The following RIN3 variants were observed in gnomAD, a reference collection of about 807,000 sequenced individuals.
RIN3 encodes the protein Ras and Rab interactor 3, also known as RAB5 interacting protein 3.
In RIN3, 54 loss-of-function variants were observed where a neutral mutation model predicts 76.3. The ratio of observed to expected loss-of-function variants is 0.71; its 90% CI spans 0.57 to 0.89. The LOEUF (loss-of-function observed/expected upper bound fraction) is 0.89, where lower values mean the gene tolerates loss of function less well. Among genes scored for constraint, RIN3 ranks in the 40% least tolerant of loss-of-function variants. The pLI, the probability that RIN3 is intolerant of heterozygous loss-of-function variation, is 0.00. For missense variants in RIN3, 1,256 were observed against 1,322.1 expected (o/e 0.95, Z 0.78); for synonymous variants, 576 against 564.0 (o/e 1.02, Z -0.30).
chr14:92,571,983 A>G (rs539668466), intron 2 of RIN3, among the ~76,000 whole-genome samples: 1 of 152,356 alleles, frequency 6.6e-6, no homozygotes, highest in East Asian at 1.9e-4. Flanking sequence ...GCAGAGTGAG[A>G]GACCGAGGCA....
intron 4 of RIN3, among the ~76,000 whole-genome samples, chr14:92,624,043 G>A (rs1398973204): frequency 1.3e-5 from 2 of 152,250 alleles, no homozygotes; most frequent in South Asian, 2.1e-4. Flanking sequence ...GAAAGGGGAC[G>A]ACTTGGGCCT....
intron 1 of RIN3, among the ~76,000 whole-genome samples, chr14:92,551,070 T>C (rs956735924): frequency 4.6e-5 from 7 of 152,224 alleles, no homozygotes; most frequent in African/African-American, 1.7e-4. Flanking sequence ...CTGAATGTTA[T>C]CATGACTAGA....
chr14:92,661,580 C>T (rs916118195), intron 7 of RIN3, among the ~76,000 whole-genome samples: 4 of 152,052 alleles, frequency 2.6e-5, no homozygotes, highest in Non-Finnish European at 2.9e-5. Flanking sequence ...AAAAATTAGC[C>T]GAGTGTGTTG....
intron 7 of RIN3, 86 bp from the exon 8 acceptor site, chr14:92,676,389 C>A: frequency 1.3e-6 from 2 of 1,501,210 alleles, no homozygotes; most frequent in Non-Finnish European, 1.8e-6. Context: ...CCACACTCAG[C>A]AAACCACTGT....
chr14:92,547,121 A>ATTATTATAAAGTAAATTATCTTTATT lies in RIN3; in HGVS notation c.45-8623_45-8622insAAAGTAAATTATCTTTATTTTATTAT, dbSNP rs1897292304. Among the ~76,000 whole-genome samples, 7 of 55,758 alleles carry ATTATTATAAAGTAAATTATCTTTATT rather than the reference A, an allele frequency of 1.3e-4. 1 individual carries two copies. Among genetic ancestry groups the ATTATTATAAAGTAAATTATCTTTATT allele is most frequent in the South Asian group, 1.1e-3 (2 of 1,754 alleles). The allele number at this position is 55,758 out of a possible 152,430, so 36.6% of individuals were successfully genotyped here. A position where few individuals can be genotyped will look rare whatever the true frequency, so the allele number is the denominator to read the frequency against. ...TAATTAAATAAATTATCTTTATTTTATTATTATTATAAAGTAAATTATCTT... is the reference window on the plus strand; with the variant it reads ...TAATTAAATAAATTATCTTTATTTTATTATTATAAAGTAAATTATCTTTATTTTATTATTATAAAGTAAATTATCTT... On this transcript the variant is annotated intron_variant, in intron 1 of 9. Coordinates refer to ENST00000216487, the MANE Select transcript of RIN3 (RefSeq NM_024832.5).
At chr14:92,525,333 ACAGTGG>A (rs1209417361) in intron 1 of RIN3, among the ~76,000 whole-genome samples, 2 of 152,184 alleles carry the variant, frequency 1.3e-5, no homozygotes, top group African/African-American at 4.8e-5. Flanking sequence ...ACCAGCAGGG[ACAGTGG>A]CTCTTCCTGG....
chr14:92,593,662 C>T lies in RIN3; in HGVS notation c.367+16185C>T, dbSNP rs181022708. On this transcript the variant is annotated intron_variant, in intron 3 of 9. Coordinates refer to ENST00000216487, the MANE Select transcript of RIN3 (RefSeq NM_024832.5). ...ATATGTAACAAACCTGCACGTTGTGCACATGTACCCTAGAACTTAAAGTAT... is the reference window on the plus strand; with the variant it reads ...ATATGTAACAAACCTGCACGTTGTGTACATGTACCCTAGAACTTAAAGTAT... Among the ~76,000 whole-genome samples, 1,436 of 152,158 alleles carry T rather than the reference C, an allele frequency of 9.4e-3. 11 individuals are homozygous for T. Among genetic ancestry groups the T allele is most frequent in the Admixed American group, 0.024 (362 of 15,280 alleles).
chr14:92,618,588 T>C (rs749312085), intron 4 of RIN3, among the ~76,000 whole-genome samples: 6 of 152,226 alleles, frequency 3.9e-5, no homozygotes, highest in Non-Finnish European at 5.9e-5. Flanking sequence ...TCTACTGTTA[T>C]AACATCAGCC....
chr14:92,618,236 A>G (rs140724442), intron 4 of RIN3, among the ~76,000 whole-genome samples: 157 of 152,306 alleles, frequency 1.0e-3, no homozygotes, highest in African/African-American at 3.3e-3. Flanking sequence ...TTCCACTTCT[A>G]TTGTTCACAG....
At chr14:92,544,414 T>TGGGGGGGGG (rs71123353) in intron 1 of RIN3, among the ~76,000 whole-genome samples, 76 of 74,538 alleles carry the variant, frequency 1.0e-3, no homozygotes, top group African/African-American at 1.2e-3. Context: ...GTGACAGCTG[T>TGGGGGGGGG]GGGGGGGGGG....
chr14:92,636,674 C>T (rs1886788860), intron 4 of RIN3, among the ~76,000 whole-genome samples: 1 of 152,172 alleles, frequency 6.6e-6, no homozygotes, highest in African/African-American at 2.4e-5. Context: ...GACTTGCTCA[C>T]TATATAGATC....
chr14:92,607,991 A>G (rs187500981), intron 3 of RIN3, among the ~76,000 whole-genome samples: 4 of 152,338 alleles, frequency 2.6e-5, no homozygotes, highest in East Asian at 1.9e-4. Flanking sequence ...ACTGGAACAG[A>G]TTAGTTGTCA....
chr14:92,598,385 G>C (rs1885227422), intron 3 of RIN3, among the ~76,000 whole-genome samples: 2 of 152,208 alleles, frequency 1.3e-5, no homozygotes, highest in African/African-American at 2.4e-5. Flanking sequence ...CCTAGTCAGT[G>C]CCAAAAAGAG....
intron 3 of RIN3, among the ~76,000 whole-genome samples, chr14:92,581,352 T>C (rs1446298905): frequency 3.9e-5 from 6 of 152,228 alleles, no homozygotes; most frequent in Admixed American, 3.9e-4. Context: ...GGCTGCCACC[T>C]GCCAGTTACC....
intron 2 of RIN3, among the ~76,000 whole-genome samples, chr14:92,575,645 G>T (rs143219057): frequency 6.6e-6 from 1 of 151,892 alleles, no homozygotes; most frequent in Admixed American, 6.6e-5. Context: ...CTGTCATGGC[G>T]CTGGTGGGAG....
chr14:92,539,191 G>A (rs910066500), intron 1 of RIN3, among the ~76,000 whole-genome samples: 1 of 151,732 alleles, frequency 6.6e-6, no homozygotes, highest in Non-Finnish European at 1.5e-5. Flanking sequence ...GGGTGGGGGG[G>A]ATGTCAGCTG....
rs1428542755 is a variant in RIN3, at chr14:92,663,498, C to G, written c.2335+4029C>G. Among the ~76,000 whole-genome samples, 4 of 152,362 alleles carry G rather than the reference C, an allele frequency of 2.6e-5. No homozygotes were observed. In the East Asian group the frequency reaches 5.8e-4, roughly 22 times the overall value. On this transcript the variant is annotated intron_variant, in intron 7 of 9. Transcript: ENST00000216487. ...GAAGCCAGACCCAGTCGGGGAGACT[C>G]TGAGACGTGAAGGTCAGGCCAGGGT...
intron 2 of RIN3, among the ~76,000 whole-genome samples, chr14:92,567,406 C>G (rs1305069309): frequency 6.6e-6 from 1 of 152,150 alleles, no homozygotes; most frequent in East Asian, 1.9e-4. Flanking sequence ...TGGGGTCAGT[C>G]ATGCAGCTGC....
intron 3 of RIN3, among the ~76,000 whole-genome samples, chr14:92,596,832 G>A (rs1313187416): frequency 1.3e-5 from 2 of 152,226 alleles, no homozygotes; most frequent in African/African-American, 4.8e-5. Flanking sequence ...CGTAACAACT[G>A]AGTGGAGGTG....
Sources: allele counts gnomAD v4.1 joint callset (sites outside exome capture counted in the v4.1 genomes callset), GRCh38; gene constraint gnomAD v4.1.1; transcripts MANE v1.5; gene names NCBI Gene and HGNC (gene_info 2026-07-23, HGNC 2026-07-21).